Variants in GRAMD2A observed in about 807,000 individuals in gnomAD.
The protein encoded by GRAMD2A is GRAM domain-containing protein 2A.
In GRAMD2A, 37 loss-of-function variants were observed where a neutral mutation model predicts 51.1. The ratio of observed to expected loss-of-function variants is 0.72; its 90% CI spans 0.56 to 0.95. The LOEUF (loss-of-function observed/expected upper bound fraction) is 0.95. Ranked by LOEUF, GRAMD2A falls within the 40% of genes least tolerant of loss-of-function variation. The probability of loss-of-function intolerance (pLI) is 0.00; values close to 1 mark genes in which losing one functional copy is unlikely to be tolerated. For missense variants in GRAMD2A, 414 were observed against 426.9 expected (o/e 0.97, Z 0.27); for synonymous variants, 136 against 157.1 (o/e 0.87, Z 1.01).
chr15:72,197,692 G>A, intron 1 of GRAMD2A, 39 bp downstream of exon 1: 2 of 1,280,932 alleles, frequency 1.6e-6, no homozygotes, highest in South Asian at 2.2e-5. Context: ...GGCGGCCTCC[G>A]GAACCCCCGA....
chr15:72,170,007 A>G lies in GRAMD2A; in HGVS notation c.42-68T>C, dbSNP rs754737115. 18 of 1,173,398 alleles carry G rather than the reference A, an allele frequency of 1.5e-5. No individual in the cohort carries two copies. The highest frequency in any genetic ancestry group is 1.8e-5 in the Non-Finnish European group (14 of 778,434). The allele number at this position is 1,173,398 out of a possible 1,614,324, so 72.7% of individuals were successfully genotyped here. ...GACACCTTTCCCTAACAGCCCCACC[A>G]TGCCCATGGCCGCTGCCTCTGGCCC... On this transcript the variant is annotated intron_variant, in intron 1 of 11. Transcript: ENST00000309731. The surrounding 1 kb of genome is among the most constrained non-coding windows in gnomAD (Gnocchi z 4.5).
chr15:72,196,508 T>C (rs1363311380), intron 1 of GRAMD2A, among the ~76,000 whole-genome samples: 1 of 150,196 alleles, frequency 6.7e-6, no homozygotes, highest in African/African-American at 2.5e-5. Context: ...AGAGTGAAAC[T>C]GTCTCAGAAA....
Position 72,159,958 on chromosome 15 carries a change from T to TGC in GRAMD2A, c.*2049_*2050dup. The TGC allele has an allele frequency of 6.6e-6, 1 of 152,108 alleles. No individual in the cohort carries two copies. The highest frequency in any genetic ancestry group is 1.9e-4 in the East Asian group (1 of 5,192). The allele number at this position is 152,108 out of a possible 1,614,324, so 9.4% of individuals were successfully genotyped here. A position where few individuals can be genotyped will look rare whatever the true frequency, so the allele number is the denominator to read the frequency against. ...ATATAAAATACACATCATTTATAAA[T>TGC]GCACACAGCAGAAAGCACAGTGGCC... On this transcript the variant is annotated 3_prime_UTR_variant, in exon 12 of 12. Transcript: ENST00000309731.
At chr15:72,162,139 G>T in intron 11 of GRAMD2A, 127 bp from the exon 12 acceptor site, 1 of 1,367,354 alleles carries the variant, frequency 7.3e-7, no homozygotes, top group Non-Finnish European at 1.0e-6. Flanking sequence ...TACCCTGCAC[G>T]CTGCCCAACC....
At chr15:72,172,504 C>T (rs1179212595) in intron 1 of GRAMD2A, among the ~76,000 whole-genome samples, 1 of 149,884 alleles carries the variant, frequency 6.7e-6, no homozygotes, top group African/African-American at 2.5e-5. Context: ...GCAACCTCCG[C>T]CTCCCAGGTT....
At chr15:72,189,760 T>G (rs901836355) in intron 1 of GRAMD2A, among the ~76,000 whole-genome samples, 1 of 152,216 alleles carries the variant, frequency 6.6e-6, no homozygotes, top group Non-Finnish European at 1.5e-5. Flanking sequence ...GATGTGAGTC[T>G]GTTTTATAGA....
intron 1 of GRAMD2A, among the ~76,000 whole-genome samples, chr15:72,171,172 A>G (rs543819884): frequency 6.6e-6 from 1 of 152,250 alleles, no homozygotes; most frequent in Non-Finnish European, 1.5e-5. Context: ...TTTGCCACAC[A>G]TATCAACATA....
intron 1 of GRAMD2A, among the ~76,000 whole-genome samples, chr15:72,177,736 T>G (rs1245812920): frequency 3.3e-5 from 5 of 152,154 alleles, no homozygotes; most frequent in Admixed American, 3.3e-4. Flanking sequence ...CAGCTTCTTT[T>G]TTTCTTTTTG....
chr15:72,191,155 T>G (rs2081765151), intron 1 of GRAMD2A, among the ~76,000 whole-genome samples: 1 of 152,118 alleles, frequency 6.6e-6, no homozygotes, highest in Non-Finnish European at 1.5e-5. Flanking sequence ...TCTGCCTTTC[T>G]AGTACTGGCT....
chr15:72,185,804 G>A (rs2081731024), intron 1 of GRAMD2A, among the ~76,000 whole-genome samples: 1 of 152,176 alleles, frequency 6.6e-6, no homozygotes, highest in African/African-American at 2.4e-5. Context: ...GAAAGAATGA[G>A]TTGTCCAATA....
intron 1 of GRAMD2A, among the ~76,000 whole-genome samples, chr15:72,186,328 A>AT (rs34888558): frequency 0.021 from 2,996 of 144,750 alleles, 36 homozygotes; most frequent in South Asian, 0.037. Context: ...TATTTATTTA[A>AT]TTTTTTTTTT....
Position 72,166,402 on chromosome 15 carries a change from A to T in GRAMD2A, c.543+230T>A, listed in dbSNP as rs1361696071. 6.6e-6 allele frequency among the ~76,000 whole-genome samples: 1 copy of T among 152,192 alleles called. No individual in the cohort carries two copies. Among genetic ancestry groups the T allele is most frequent in the East Asian group, 1.9e-4 (1 of 5,186 alleles). ...GGACATAAGCCCATGAACAAGGAGCATCTGTATATGGGGACACACAGGGGC... is the reference window on the plus strand; with the variant it reads ...GGACATAAGCCCATGAACAAGGAGCTTCTGTATATGGGGACACACAGGGGC... On this transcript the variant is annotated intron_variant, in intron 7 of 11. Coordinates refer to ENST00000309731, the MANE Select transcript of GRAMD2A (RefSeq NM_001012642.3). This position sits in a 1 kb window ranked among gnomAD's most constrained non-coding sequence, Gnocchi z 4.1.
chr15:72,178,568 CTTTTTTTTT>C (rs537075334), intron 1 of GRAMD2A, among the ~76,000 whole-genome samples: 5 of 84,198 alleles, frequency 5.9e-5, no homozygotes, highest in African/African-American at 2.3e-4. Context: ...CTTGCACTTT[CTTTTTTTTT>C]TTTTTTTTTT....
intron 1 of GRAMD2A, among the ~76,000 whole-genome samples, chr15:72,177,835 C>A (rs935727673): frequency 5.9e-5 from 9 of 152,198 alleles, no homozygotes; most frequent in African/African-American, 2.2e-4. Flanking sequence ...TCAAGAGATT[C>A]TCATGTATCA....
chr15:72,179,742 C>T lies in GRAMD2A; in HGVS notation c.42-9803G>A, dbSNP rs111387130. Among the ~76,000 whole-genome samples, 1,318 of 152,310 alleles carry T rather than the reference C, an allele frequency of 8.7e-3. 28 individuals are homozygous for T. The highest frequency in any genetic ancestry group is 0.03 in the African/African-American group (1,252 of 41,556). On this transcript the variant is annotated intron_variant, in intron 1 of 11. Coordinates refer to ENST00000309731, the MANE Select transcript of GRAMD2A (RefSeq NM_001012642.3). ...CCATAACCCTGCCCATTGAGCAGGA[C>T]GTCCCCGACTAGCACTGGTGAGCGC...
chr15:72,168,983 C>T lies in GRAMD2A; in HGVS notation c.148G>A (p.Glu50Lys), dbSNP rs1234466867. ...TTTATCTCTTCACCCTTCAAGCCTT[C>T]TGGCCAGTGCAGACTGCAAAGGAGA... ...EPPDYSLHWP[E>K]GLKGEEIKKC... The change falls in exon 3 of 12, where the codon GAA becomes AAA. Residue 50 changes from glutamate to lysine, a missense_variant. By Grantham distance (56) the Glu-to-Lys change is moderately conservative. Coordinates refer to ENST00000309731, the MANE Select transcript of GRAMD2A (RefSeq NM_001012642.3). 1 of 1,614,092 alleles carries T rather than the reference C, an allele frequency of 6.2e-7. No homozygotes were observed. The highest frequency in any genetic ancestry group is 8.5e-7 in the Non-Finnish European group (1 of 1,180,024).
intron 3 of GRAMD2A, 66 bp downstream of exon 3, chr15:72,168,873 C>A: frequency 6.8e-7 from 1 of 1,471,380 alleles, no homozygotes; most frequent in South Asian, 1.1e-5. Flanking sequence ...AGCCAAAAGT[C>A]ACTGAATTCT....
chr15:72,163,904 G>A (rs750392341), intron 8 of GRAMD2A, 147 bp from the exon 9 acceptor site: 1 of 769,088 alleles, frequency 1.3e-6, no homozygotes, highest in Non-Finnish European at 2.0e-6. Flanking sequence ...CAAGCGAGGA[G>A]GGCAGTTGCT....
At chr15:72,196,794 C>T (rs752093602) in intron 1 of GRAMD2A, among the ~76,000 whole-genome samples, 50 of 152,264 alleles carry the variant, frequency 3.3e-4, no homozygotes, top group Non-Finnish European at 5.6e-4. Context: ...CAGACGACAG[C>T]GGGGTGGAGC....
Sources: allele counts gnomAD v4.1 joint callset (sites outside exome capture counted in the v4.1 genomes callset), GRCh38; gene constraint gnomAD v4.1.1; non-coding constraint Gnocchi (gnomAD v3.1); transcripts MANE v1.5; gene names NCBI Gene and HGNC (gene_info 2026-07-23, HGNC 2026-07-21).